DNAH9: variants seen among roughly 807,000 people sequenced by gnomAD.
DNAH9 encodes the protein DNAH9 variant protein.
DNAH9 carries 345 observed loss-of-function variants against 471.6 expected under a neutral mutation model. That is an observed-to-expected ratio of 0.73 (90% CI 0.67 to 0.80). The LOEUF is 0.80. DNAH9 is among the 30% of genes least tolerant of loss of function. The probability of loss-of-function intolerance (pLI) is 0.00; values close to 1 mark genes in which losing one functional copy is unlikely to be tolerated. For synonymous variants in DNAH9, 2,093 were observed against 2,123.6 expected (o/e 0.99, Z 0.40); for missense variants, 5,407 against 5,609.2 (o/e 0.96, Z 1.15).
At chr17:11,709,869 C>T (rs2074800784) in intron 26 of DNAH9, among the ~76,000 whole-genome samples, 1 of 152,160 alleles carries the variant, frequency 6.6e-6, no homozygotes, top group South Asian at 2.1e-4. Context: ...TGTTGAGTAC[C>T]CCTTAATTTC....
intron 47 of DNAH9, 22 bp from the exon 48 acceptor site, chr17:11,822,779 A>G (rs1970353028): frequency 1.2e-6 from 2 of 1,612,862 alleles, no homozygotes; most frequent in African/African-American, 2.7e-5. Context: ...TAATCTTTTC[A>G]TTTCTTGCTC....
intron 55 of DNAH9, among the ~76,000 whole-genome samples, chr17:11,882,674 G>A (rs1040237273): frequency 1.3e-5 from 2 of 152,148 alleles, no homozygotes; most frequent in African/African-American, 4.8e-5. Context: ...AAACAGCAAC[G>A]TAAACAAATG....
intron 22 of DNAH9, among the ~76,000 whole-genome samples, chr17:11,694,928 C>A (rs897167647): frequency 6.9e-6 from 1 of 144,382 alleles, no homozygotes; most frequent in Admixed American, 7.2e-5. Context: ...CTTGCTCTGT[C>A]GCCCAGACTG....
At chr17:11,656,266 T>C (rs2073645409) in intron 14 of DNAH9, among the ~76,000 whole-genome samples, 1 of 152,074 alleles carries the variant, frequency 6.6e-6, no homozygotes, top group Non-Finnish European at 1.5e-5. Flanking sequence ...CATGCAGGAG[T>C]GAGGTGGTAT....
chr17:11,797,678 A>G lies in DNAH9; in HGVS notation c.8305A>G (p.Met2769Val). 1.2e-6 allele frequency: 2 copies of G among 1,614,222 alleles called. No homozygotes were observed. The highest frequency in any genetic ancestry group is 1.7e-6 in the Non-Finnish European group (2 of 1,180,030). Reference sequence around the variant, plus strand: ...AAATGGTATTGGGGAGCCCAAATACATGCCTGTACAGTCTTGGGAACTTTT... The same window carrying G: ...AAATGGTATTGGGGAGCCCAAATACGTGCCTGTACAGTCTTGGGAACTTTT... ...FANGIGEPKY[M>V]PVQSWELLTQ... Residue 2769 changes from methionine (M) to valine (V), a missense_variant, in exon 43 of 69, where the codon ATG becomes GTG. By Grantham distance (21) the Met-to-Val change is conservative. Coordinates refer to ENST00000262442, the MANE Select transcript of DNAH9 (RefSeq NM_001372.4).
chr17:11,894,318 T>G (rs182496764), intron 58 of DNAH9, 56 bp from the exon 59 acceptor site: 1 of 1,600,866 alleles, frequency 6.2e-7, no homozygotes, highest in Non-Finnish European at 8.5e-7. Flanking sequence ...CCCCTAAGAT[T>G]TCTAGGACTC....
intron 17 of DNAH9, 32 bp downstream of exon 17, chr17:11,669,826 T>C (rs2073946284): frequency 2.5e-6 from 4 of 1,572,086 alleles, no homozygotes; most frequent in African/African-American, 2.7e-5. Flanking sequence ...TCTTCCAGCA[T>C]GCTAGGCTGT....
intron 6 of DNAH9, among the ~76,000 whole-genome samples, chr17:11,621,920 A>C (rs545044713): frequency 0.019 from 127 of 6,676 alleles, no homozygotes; most frequent in African/African-American, 0.032. Context: ...TCTCTACTAA[A>C]AATACAAAAA....
chr17:11,793,448 A>G, intron 41 of DNAH9, 55 bp from the exon 42 acceptor site: 1 of 1,536,356 alleles, frequency 6.5e-7, no homozygotes, highest in Non-Finnish European at 8.8e-7. Flanking sequence ...TTTCCTAGCT[A>G]TTGTACCTCT....
intron 67 of DNAH9, among the ~76,000 whole-genome samples, chr17:11,957,517 G>T (rs1421879523): frequency 6.7e-6 from 1 of 148,996 alleles, no homozygotes; most frequent in Non-Finnish European, 1.5e-5. Flanking sequence ...GAAGGGACAT[G>T]ATAGTGAGTT....
At chr17:11,854,989 G>A (rs1199404299) in intron 50 of DNAH9, among the ~76,000 whole-genome samples, 13 of 152,306 alleles carry the variant, frequency 8.5e-5, no homozygotes, top group African/African-American at 3.1e-4. Flanking sequence ...TTTGGAGATG[G>A]GGATGGTGAT....
At chr17:11,936,712 G>T (rs1291844526) in intron 65 of DNAH9, among the ~76,000 whole-genome samples, 5 of 152,266 alleles carry the variant, frequency 3.3e-5, no homozygotes, top group African/African-American at 1.2e-4. Context: ...TAGGCATTAG[G>T]CATGGCAGAC....
In DNAH9 at chr17:11,937,193, T is replaced by A. The variant is rs990406169; in HGVS notation, c.12490-159T>A. ...AAAAATGGATGATGTCAAGGTGCAC[T>A]AATAGGTGGAGAGGGTGATGAAGTC... is the stretch of plus-strand genomic sequence containing the variant. On this transcript the variant is annotated intron_variant, in intron 65 of 68. Coordinates refer to ENST00000262442, the MANE Select transcript of DNAH9 (RefSeq NM_001372.4). This position sits in a 1 kb window ranked among gnomAD's most constrained non-coding sequence, Gnocchi z 4.1. Among the ~76,000 whole-genome samples the A allele has an allele frequency of 2.6e-5, 4 of 152,078 alleles. No homozygotes were observed. Among genetic ancestry groups the A allele is most frequent in the African/African-American group, 9.7e-5 (4 of 41,416 alleles).
intron 48 of DNAH9, 151 bp from the exon 49 acceptor site, chr17:11,834,487 C>A (rs1054059374): frequency 2.2e-6 from 2 of 908,972 alleles, no homozygotes; most frequent in South Asian, 1.8e-5. Flanking sequence ...CATCTGACAG[C>A]GCAGCTTTGT....
chr17:11,642,495 TGAGCCGAG>T (rs2073294940), intron 10 of DNAH9, among the ~76,000 whole-genome samples: 1 of 152,108 alleles, frequency 6.6e-6, no homozygotes, highest in South Asian at 2.1e-4. Flanking sequence ...GAGGTTGCAG[TGAGCCGAG>T]ATTGCGCCAT....
intron 17 of DNAH9, among the ~76,000 whole-genome samples, chr17:11,674,255 G>A (rs907322142): frequency 1.1e-4 from 16 of 152,134 alleles, no homozygotes; most frequent in South Asian, 4.1e-4. Flanking sequence ...ACTTAAGAGC[G>A]GAATTGCTAA....
Position 11,871,593 on chromosome 17 carries a change from G to T in DNAH9, c.10054-5G>T, listed in dbSNP as rs1438541171. 1 of 1,612,550 alleles carries T rather than the reference G, an allele frequency of 6.2e-7. No individual in the cohort carries two copies. ...TCCTCTCCTCTCTGGCTTTTGAAAT[G>T]GTAGGTTGGAGGACTCGCTTCTGAA... On this transcript the variant is annotated splice_region_variant and splice_polypyrimidine_tract_variant and intron_variant, in intron 51 of 68. Transcript: ENST00000262442.
At chr17:11,776,759 T>TA (rs1206044747) in intron 38 of DNAH9, among the ~76,000 whole-genome samples, 3 of 152,222 alleles carry the variant, frequency 2.0e-5, no homozygotes, top group Non-Finnish European at 4.4e-5. Context: ...TCTTCTGTGA[T>TA]AGTCAATATA....
At chr17:11,955,210 C>T (rs989090162) in intron 67 of DNAH9, among the ~76,000 whole-genome samples, 4 of 152,084 alleles carry the variant, frequency 2.6e-5, no homozygotes, top group African/African-American at 9.7e-5. Flanking sequence ...GGAACACAGC[C>T]ACAGTCATTC....
Sources: allele counts gnomAD v4.1 joint callset (sites outside exome capture counted in the v4.1 genomes callset), GRCh38; gene constraint gnomAD v4.1.1; non-coding constraint Gnocchi (gnomAD v3.1); transcripts MANE v1.5; gene names NCBI Gene and HGNC (gene_info 2026-07-23, HGNC 2026-07-21).